MAEL: variants seen among roughly 807,000 people sequenced by gnomAD.
MAEL encodes the protein protein maelstrom homolog.
A neutral mutation model predicts 62.0 loss-of-function variants in MAEL; 46 were observed. The observed-to-expected ratio is 0.74, with a 90% CI of 0.59 to 0.95. The LOEUF (loss-of-function observed/expected upper bound fraction) is 0.95. Ranked by LOEUF, MAEL falls within the 40% of genes least tolerant of loss-of-function variation. The pLI, the probability that MAEL is intolerant of heterozygous loss-of-function variation, is 0.00. For synonymous variants in MAEL, 172 were observed against 175.5 expected (o/e 0.98, Z 0.16); for missense variants, 497 against 526.8 (o/e 0.94, Z 0.55).
chr1:166,981,902 CAG>C (rs1186075242), intron 1 of MAEL, among the ~76,000 whole-genome samples: 3 of 152,180 alleles, frequency 2.0e-5, no homozygotes, highest in Non-Finnish European at 4.4e-5. Flanking sequence ...AGAACAAGAT[CAG>C]ACCTGTGTCC....
chr1:167,011,262 A>C lies in MAEL; in HGVS notation c.846-4960A>C, dbSNP rs139042396. Reference sequence around the variant, plus strand: ...GAGAAATTGCTCCATTGGAAATTACAGTTTTCATTTTTCTATTTATAGACA... The same window carrying C: ...GAGAAATTGCTCCATTGGAAATTACCGTTTTCATTTTTCTATTTATAGACA... On this transcript the variant is annotated intron_variant, in intron 8 of 11. Transcript: ENST00000367872. 6.4e-3 allele frequency among the ~76,000 whole-genome samples: 973 copies of C among 152,236 alleles called. 11 individuals are homozygous for C. Among genetic ancestry groups the C allele is most frequent in the African/African-American group, 0.022 (929 of 41,554 alleles).
intron 5 of MAEL, among the ~76,000 whole-genome samples, 175 bp from the exon 6 acceptor site, chr1:167,004,005 G>A (rs1664784163): frequency 6.6e-6 from 1 of 152,062 alleles, no homozygotes; most frequent in South Asian, 2.1e-4. Context: ...TCAAATCATA[G>A]AATGGCTGTA....
At chr1:167,000,876 G>C (rs1191605873) in intron 5 of MAEL, among the ~76,000 whole-genome samples, 1 of 152,182 alleles carries the variant, frequency 6.6e-6, no homozygotes, top group Non-Finnish European at 1.5e-5. Flanking sequence ...ACTACCATTT[G>C]AAAATTCTAA....
intron 10 of MAEL, among the ~76,000 whole-genome samples, chr1:167,020,563 C>T (rs1172497031): frequency 6.6e-6 from 1 of 152,108 alleles, no homozygotes; most frequent in Admixed American, 6.6e-5. Context: ...CATCTCTTCC[C>T]TCACCTTTGC....
intron 5 of MAEL, among the ~76,000 whole-genome samples, chr1:166,996,632 T>C (rs1023871772): frequency 1.7e-4 from 26 of 152,242 alleles, no homozygotes; most frequent in African/African-American, 6.0e-4. Context: ...CTCTCCCTGA[T>C]GGCATTCCCT....
chr1:167,005,443 A>C, intron 8 of MAEL, 46 bp downstream of exon 8: 1 of 1,522,360 alleles, frequency 6.6e-7, no homozygotes, highest in Non-Finnish European at 8.9e-7. Flanking sequence ...CTTATTTTCT[A>C]GACTGAGAAA....
At chr1:167,010,110 C>T (rs1665105392) in intron 8 of MAEL, among the ~76,000 whole-genome samples, 1 of 152,128 alleles carries the variant, frequency 6.6e-6, no homozygotes, top group African/African-American at 2.4e-5. Flanking sequence ...TTCCCCCATG[C>T]TGTTCTCATG....
At chr1:167,008,499 C>T (rs904611666) in intron 8 of MAEL, among the ~76,000 whole-genome samples, 3 of 152,008 alleles carry the variant, frequency 2.0e-5, no homozygotes, top group African/African-American at 7.2e-5. Flanking sequence ...TGTGCTCTCT[C>T]ATTTTTTTGT....
In MAEL at chr1:166,992,853, G is replaced by A; in HGVS notation, c.481+12G>A. The stretch of plus-strand genomic sequence containing the variant: ...TTTTATAAATCCTGGTAAGTAGTCA[G>A]AGTAGATGCTAGATCTTAAACGTGT... On this transcript the variant is annotated intron_variant, in intron 4 of 11. Coordinates refer to ENST00000367872, the MANE Select transcript of MAEL (RefSeq NM_032858.3). The A allele has an allele frequency of 6.4e-7, 1 of 1,569,330 alleles. No homozygotes were observed. The highest frequency in any genetic ancestry group is 8.6e-7 in the Non-Finnish European group (1 of 1,165,380).
At position 167,021,877 on chromosome 1, in the gene MAEL, C is replaced by A; in HGVS notation, c.*22C>A. 6.5e-7 allele frequency: 1 copy of A among 1,534,260 alleles called. No homozygotes were observed. The highest frequency in any genetic ancestry group is 8.9e-7 in the Non-Finnish European group (1 of 1,118,990). On this transcript the variant is annotated 3_prime_UTR_variant, in exon 12 of 12. Coordinates refer to ENST00000367872, the MANE Select transcript of MAEL (RefSeq NM_032858.3). ...TTAATGATGGTACTCTTTTCAATTT[C>A]TGAAAACAGTAACAGGCCCAACTTC...
chr1:167,005,545 A>T (rs1664857206), intron 8 of MAEL, 148 bp downstream of exon 8: 1 of 669,958 alleles, frequency 1.5e-6, no homozygotes, highest in Non-Finnish European at 2.4e-6. Context: ...TTTCATTGAT[A>T]GTAAGATATA....
At chr1:166,984,039 G>A (rs1663843051) in intron 1 of MAEL, among the ~76,000 whole-genome samples, 1 of 150,884 alleles carries the variant, frequency 6.6e-6, no homozygotes, top group Non-Finnish European at 1.5e-5. Context: ...GAGGAGAGGA[G>A]CAGATAACAG....
intron 10 of MAEL, among the ~76,000 whole-genome samples, chr1:167,020,162 C>T (rs1474816501): frequency 6.6e-6 from 1 of 152,178 alleles, no homozygotes; most frequent in Non-Finnish European, 1.5e-5. Flanking sequence ...CTCCAGGACA[C>T]CATTCACACT....
At chr1:167,003,542 G>A (rs1664765132) in intron 5 of MAEL, among the ~76,000 whole-genome samples, 1 of 152,184 alleles carries the variant, frequency 6.6e-6, no homozygotes, top group African/African-American at 2.4e-5. Flanking sequence ...AGGCCTAGAA[G>A]CTGTTAAAAG....
In MAEL at chr1:166,989,314, T is replaced by G. The variant is rs769771617; in HGVS notation, c.-39T>G. On this transcript the variant is annotated 5_prime_UTR_variant, in exon 1 of 12. Transcript: ENST00000367872. ...GGGAGCCCGGCGAGGGCGCCGGTGCTTTGTTCTGTCTGAGGCCAGGAAGTT... is the reference window on the plus strand; with the variant it reads ...GGGAGCCCGGCGAGGGCGCCGGTGCGTTGTTCTGTCTGAGGCCAGGAAGTT... The G allele has an allele frequency of 2.5e-6, 4 of 1,596,248 alleles. No homozygotes were observed. Among genetic ancestry groups the G allele is most frequent in the East Asian group, 2.3e-5 (1 of 44,268 alleles).
chr1:167,000,889 A>G (rs960021117), intron 5 of MAEL, among the ~76,000 whole-genome samples: 1 of 152,232 alleles, frequency 6.6e-6, no homozygotes, highest in Non-Finnish European at 1.5e-5. Flanking sequence ...AATTCTAACA[A>G]TCCCACTACT....
chr1:166,995,256 T>G (rs911731734), intron 5 of MAEL, among the ~76,000 whole-genome samples: 12 of 152,058 alleles, frequency 7.9e-5, no homozygotes, highest in Non-Finnish European at 1.6e-4. Flanking sequence ...TGTTTTTTTT[T>G]GGAGACAGAT....
At chr1:166,983,947 A>T (rs1663837697) in intron 1 of MAEL, among the ~76,000 whole-genome samples, 1 of 148,096 alleles carries the variant, frequency 6.8e-6, no homozygotes, top group Non-Finnish European at 1.5e-5. Context: ...GGCTGCAGTT[A>T]CCTGTGATTG....
chr1:166,994,719 G>A (rs1254902651), intron 5 of MAEL, among the ~76,000 whole-genome samples: 1 of 148,414 alleles, frequency 6.7e-6, no homozygotes, highest in Non-Finnish European at 1.5e-5. Context: ...CACCAGGCTG[G>A]AGTGGAGGGG....
Sources: allele counts gnomAD v4.1 joint callset (sites outside exome capture counted in the v4.1 genomes callset), GRCh38; gene constraint gnomAD v4.1.1; transcripts MANE v1.5; gene names NCBI Gene and HGNC (gene_info 2026-07-23, HGNC 2026-07-21).